Variants in STARD13 observed in about 807,000 individuals in gnomAD.
The protein encoded by STARD13 is StAR related lipid transfer domain containing 13, also known as stAR-related lipid transfer protein 13.
In STARD13, 62 loss-of-function variants were observed where a neutral mutation model predicts 106.4. The ratio of observed to expected loss-of-function variants is 0.58; its 90% CI spans 0.48 to 0.72. The LOEUF is 0.72. Ranked by LOEUF, STARD13 falls within the 30% of genes least tolerant of loss-of-function variation. The pLI is 0.00. For missense variants in STARD13, 1,387 were observed against 1,424.0 expected (o/e 0.97, Z 0.42); for synonymous variants, 565 against 553.0 (o/e 1.02, Z -0.31).
At chr13:33,418,200 C>A in the STARD13 span, among the ~76,000 whole-genome samples, 17 of 152,336 alleles carry the variant, frequency 1.1e-4, no homozygotes, top group African/African-American at 3.8e-4. Flanking sequence ...GAAGCCGTGA[C>A]AGACTGTTCC....
chr13:33,551,179 A>G, the STARD13 span, among the ~76,000 whole-genome samples: 1 of 128,484 alleles, frequency 7.8e-6, no homozygotes, highest in African/African-American at 2.8e-5. Context: ...CTTGCCTGAC[A>G]TGTGCCATTT....
chr13:33,629,241 G>A, the STARD13 span, among the ~76,000 whole-genome samples: 2 of 152,150 alleles, frequency 1.3e-5, no homozygotes, highest in South Asian at 4.1e-4. Flanking sequence ...ATACTTCATT[G>A]GTAAGACAAC....
At chr13:33,242,271 A>G (rs556221534) in intron 1 of STARD13, among the ~76,000 whole-genome samples, 2 of 152,320 alleles carry the variant, frequency 1.3e-5, no homozygotes, top group African/African-American at 4.8e-5. Context: ...CTCATTGACA[A>G]CGGGCCATGA....
chr13:33,158,183 TAGAGAGAAAGAG>T (rs1882201812), intron 3 of STARD13, among the ~76,000 whole-genome samples: 1 of 146,836 alleles, frequency 6.8e-6, no homozygotes, highest in African/African-American at 2.6e-5. Context: ...AAATGAGAGC[TAGAGAGAAAGAG>T]AGAGAGAGAG....
At chr13:33,123,055 C>G (rs568193529) in intron 7 of STARD13, among the ~76,000 whole-genome samples, 12 of 45,842 alleles carry the variant, frequency 2.6e-4, no homozygotes, top group Non-Finnish European at 3.0e-4. Context: ...GACTCCATCT[C>G]AAAAAAAAAA....
the STARD13 span, among the ~76,000 whole-genome samples, chr13:33,549,587 C>T: frequency 1.3e-5 from 2 of 152,138 alleles, no homozygotes; most frequent in Admixed American, 6.5e-5. Context: ...ACTTTTTCTA[C>T]GGTGTTAACA....
chr13:33,493,269 T>C, the STARD13 span, among the ~76,000 whole-genome samples: 1 of 152,274 alleles, frequency 6.6e-6, no homozygotes, highest in East Asian at 1.9e-4. Flanking sequence ...ACCCCTACTT[T>C]AGATTCAGGG....
At chr13:33,119,470 C>G (rs557650675) in intron 7 of STARD13, among the ~76,000 whole-genome samples, 1 of 152,122 alleles carries the variant, frequency 6.6e-6, no homozygotes, top group Admixed American at 6.5e-5. Context: ...TGTGCCAGGC[C>G]GGCCTCCACC....
intron 6 of STARD13, 86 bp from the exon 7 acceptor site, chr13:33,126,326 G>A (rs1412202844): frequency 7.4e-7 from 1 of 1,351,088 alleles, no homozygotes; most frequent in East Asian, 2.3e-5. Context: ...GGGAAGCCAG[G>A]CTTTTGTTGG....
intron 1 of STARD13, among the ~76,000 whole-genome samples, chr13:33,242,234 A>C (rs1180279716): frequency 1.3e-5 from 2 of 152,024 alleles, no homozygotes; most frequent in Non-Finnish European, 2.9e-5. Flanking sequence ...CCCGGCCACC[A>C]CCCTGTCTGG....
At chr13:33,515,983 T>C in the STARD13 span, among the ~76,000 whole-genome samples, 2 of 151,954 alleles carry the variant, frequency 1.3e-5, no homozygotes, top group Non-Finnish European at 2.9e-5. Context: ...CCACAGTATA[T>C]ATAGCCTTTC....
chr13:33,237,198 T>C (rs1889234736), intron 1 of STARD13, among the ~76,000 whole-genome samples: 1 of 152,220 alleles, frequency 6.6e-6, no homozygotes, highest in Admixed American at 6.5e-5. Context: ...ACTTCACTCT[T>C]GTCCTCTTTC....
chr13:33,368,595 C>G, the STARD13 span, among the ~76,000 whole-genome samples: 9 of 152,204 alleles, frequency 5.9e-5, no homozygotes, highest in African/African-American at 2.2e-4. Flanking sequence ...GAAACATTTA[C>G]TGGACATCTA....
chr13:33,521,225 G>T, the STARD13 span, among the ~76,000 whole-genome samples: 15 of 152,230 alleles, frequency 9.9e-5, no homozygotes, highest in East Asian at 1.4e-3. Flanking sequence ...TACACATCAG[G>T]TAATTTATGG....
At chr13:33,400,142 C>T in the STARD13 span, among the ~76,000 whole-genome samples, 1 of 152,130 alleles carries the variant, frequency 6.6e-6, no homozygotes. Flanking sequence ...TTCCCCCACT[C>T]CCCATCCCCT....
the STARD13 span, among the ~76,000 whole-genome samples, chr13:33,638,406 C>T: frequency 6.6e-6 from 1 of 152,110 alleles, no homozygotes; most frequent in African/African-American, 2.4e-5. Context: ...TCCAGAAAAG[C>T]AGGACACCTG....
intron 3 of STARD13, among the ~76,000 whole-genome samples, chr13:33,152,740 C>T (rs545396122): frequency 9.8e-5 from 15 of 152,336 alleles, no homozygotes; most frequent in Admixed American, 9.8e-4. Flanking sequence ...TTTTGGGAAA[C>T]TAGCTGGAGG....
rs9527241 is a variant in STARD13 at position 33,231,322 on chromosome 13, A to G, written c.169+54148T>C. On this transcript the variant is annotated intron_variant, in intron 1 of 13. Transcript: ENST00000336934. ...GGGCCAGGCTCTCACTGTGCCATAC[A>G]TTGCACAAGGCACCAGGGAGACGAG... Among the ~76,000 whole-genome samples the G allele has an allele frequency of 4.1e-3, 618 of 152,318 alleles. 3 individuals are homozygous for G. The highest frequency in any genetic ancestry group is 3.9e-3 in the Admixed American group (60 of 15,306).
chr13:33,531,902 C>G, the STARD13 span, among the ~76,000 whole-genome samples: 5 of 152,124 alleles, frequency 3.3e-5, no homozygotes, highest in Non-Finnish European at 7.4e-5. Context: ...TCATATTATA[C>G]ACTTAATAGT....
Sources: allele counts gnomAD v4.1 joint callset (sites outside exome capture counted in the v4.1 genomes callset), GRCh38; gene constraint gnomAD v4.1.1; transcripts MANE v1.5; gene names NCBI Gene and HGNC (gene_info 2026-07-23, HGNC 2026-07-21).